The following AAK1 variants were observed in gnomAD, a reference collection of about 807,000 sequenced individuals.
AAK1 encodes the protein AP2 associated kinase 1.
In AAK1, 37 loss-of-function variants were observed where a neutral mutation model predicts 116.0. That is an observed-to-expected ratio of 0.32 (90% CI 0.25 to 0.42). The LOEUF is 0.42. AAK1 is among the 10% of genes least tolerant of loss of function. The pLI is 1.00. For synonymous variants in AAK1, 458 were observed against 439.9 expected (o/e 1.04, Z -0.51); for missense variants, 919 against 1,170.6 (o/e 0.79, Z 3.14).
intron 10 of AAK1, among the ~76,000 whole-genome samples, chr2:69,524,368 T>A (rs1669923749): frequency 2.0e-5 from 3 of 152,190 alleles, no homozygotes; most frequent in African/African-American, 7.2e-5. Context: ...CGTGCTACCA[T>A]GCCTGCCTAA....
At chr2:69,608,536 T>C (rs1470888044) in intron 2 of AAK1, among the ~76,000 whole-genome samples, 3 of 152,186 alleles carry the variant, frequency 2.0e-5, no homozygotes, top group Non-Finnish European at 4.4e-5. Flanking sequence ...TAAAAAGGGA[T>C]TTCTGAAATA....
chr2:69,471,385 C>G lies in AAK1; in HGVS notation c.*4484G>C. The G allele has an allele frequency of 9.1e-6, 9 of 985,408 alleles. No homozygotes were observed. The highest frequency in any genetic ancestry group is 1.1e-5 in the Non-Finnish European group (9 of 829,924). The allele number at this position is 985,408 out of a possible 1,614,324, so 61.0% of individuals were successfully genotyped here. A position where few individuals can be genotyped will look rare whatever the true frequency, so the allele number is the denominator to read the frequency against. ...TAAGAAATCTAAGCACATCCAACTT[C>G]AGAAACATTACTAATGTGGAAAAAG... On this transcript the variant is annotated 3_prime_UTR_variant, in exon 22 of 22. Coordinates refer to ENST00000409085, the MANE Select transcript of AAK1 (RefSeq NM_014911.5).
intron 2 of AAK1, among the ~76,000 whole-genome samples, chr2:69,636,705 CT>C (rs199595825): frequency 8.8e-4 from 127 of 144,878 alleles, no homozygotes; most frequent in Non-Finnish European, 1.2e-3. Flanking sequence ...TTTTCTTTTT[CT>C]TTTTTTTTTT....
intron 2 of AAK1, among the ~76,000 whole-genome samples, chr2:69,588,896 A>T (rs1301261081): frequency 6.6e-6 from 1 of 152,224 alleles, no homozygotes; most frequent in Non-Finnish European, 1.5e-5. Context: ...TACAGAATAA[A>T]TGAAAGAACT....
intron 2 of AAK1, among the ~76,000 whole-genome samples, chr2:69,591,538 T>TTTTTTGGGG (rs1454696399): frequency 6.8e-6 from 1 of 148,068 alleles, no homozygotes; most frequent in African/African-American, 2.5e-5. Flanking sequence ...TTTTTTTTTT[T>TTTTTTGGGG]GAGAGGGAGT....
chr2:69,611,799 G>C (rs1674093741), intron 2 of AAK1, among the ~76,000 whole-genome samples: 1 of 152,120 alleles, frequency 6.6e-6, no homozygotes. Flanking sequence ...ACATGCAATG[G>C]AATATTATTT....
chr2:69,486,148 G>A (rs1009577816), intron 17 of AAK1, among the ~76,000 whole-genome samples: 4 of 152,130 alleles, frequency 2.6e-5, no homozygotes, highest in African/African-American at 9.6e-5. Context: ...TTTTAGTAGA[G>A]ATGGGGTCTC....
chr2:69,500,760 T>C (rs973404401), intron 16 of AAK1, among the ~76,000 whole-genome samples: 26 of 138,558 alleles, frequency 1.9e-4, no homozygotes, highest in African/African-American at 6.8e-4. Context: ...GGAGTAAATA[T>C]AAAGTAGTGG....
rs551838812 is a variant in AAK1, at chr2:69,578,896, C to T, written c.164-21918G>A. Among the ~76,000 whole-genome samples the T allele has an allele frequency of 2.2e-3, 340 of 151,872 alleles. 1 individual carries two copies. The highest frequency in any genetic ancestry group is 4.0e-3 in the Non-Finnish European group (274 of 67,926). ...TCGGCTCACTGCAAGCTCCACCTCC[C>T]GGGTTCACGCAGTTCTCCTGCCTCA... On this transcript the variant is annotated intron_variant, in intron 2 of 21. Coordinates refer to ENST00000409085, the MANE Select transcript of AAK1 (RefSeq NM_014911.5).
intron 3 of AAK1, among the ~76,000 whole-genome samples, chr2:69,553,756 C>CA (rs138953847): frequency 0.062 from 9,196 of 148,960 alleles, 862 homozygotes; most frequent in African/African-American, 0.21. Flanking sequence ...CCTGAAAGTT[C>CA]AAAAAAATTT....
Position 69,469,159 on chromosome 2 carries a change from A to G in AAK1, c.*6710T>C. 1.0e-6 allele frequency: 1 copy of G among 985,396 alleles called. No homozygotes were observed. The highest frequency in any genetic ancestry group is 1.2e-6 in the Non-Finnish European group (1 of 829,938). The allele number at this position is 985,396 out of a possible 1,614,324, so 61.0% of individuals were successfully genotyped here. A position where few individuals can be genotyped will look rare whatever the true frequency, so the allele number is the denominator to read the frequency against. ...GTCCCTTAACCTTTCTATTCTTGTT[A>G]GAGGAGGTACAGTGTGGCTGAGGCG... On this transcript the variant is annotated 3_prime_UTR_variant, in exon 22 of 22. Transcript: ENST00000409085.
At chr2:69,531,830 A>G (rs1670271272) in intron 6 of AAK1, 22 of 1,270,324 alleles carry the variant, frequency 1.7e-5, no homozygotes, top group Non-Finnish European at 2.3e-5. Flanking sequence ...GTGCTCTAAG[A>G]GTCCTTCCTT....
intron 5 of AAK1, among the ~76,000 whole-genome samples, chr2:69,538,472 A>G (rs749269817): frequency 6.6e-6 from 1 of 152,264 alleles, no homozygotes; most frequent in Non-Finnish European, 1.5e-5. Context: ...ACTGTAGCAC[A>G]GGGAATGTCA....
chr2:69,609,714 G>A (rs1673979421), intron 2 of AAK1, among the ~76,000 whole-genome samples: 1 of 151,472 alleles, frequency 6.6e-6, no homozygotes, highest in South Asian at 2.1e-4. Context: ...AAACCCACAC[G>A]AAATCTCAAG....
At chr2:69,587,626 C>T (rs1485396679) in intron 2 of AAK1, among the ~76,000 whole-genome samples, 20 of 151,796 alleles carry the variant, frequency 1.3e-4, no homozygotes, top group African/African-American at 4.8e-4. Context: ...CCACCATGCC[C>T]AGCTAATTTT....
rs1362119020 is a variant in AAK1, at chr2:69,471,188, C to G, written c.*4681G>C. The G allele has an allele frequency of 5.1e-6, 5 of 985,360 alleles. No homozygotes were observed. The highest frequency in any genetic ancestry group is 6.0e-6 in the Non-Finnish European group (5 of 829,952). 61.0% of individuals were successfully genotyped at this position (985,360 alleles called of 1,614,324 possible). On this transcript the variant is annotated 3_prime_UTR_variant, in exon 22 of 22. Transcript: ENST00000409085. Reference sequence around the variant, plus strand: ...AAAGAGTAAATTCAGGTCACTACATCAAAGTGTGAACCAAGAACGTGTCTT... The same window carrying G: ...AAAGAGTAAATTCAGGTCACTACATGAAAGTGTGAACCAAGAACGTGTCTT...
Position 69,469,448 on chromosome 2 carries a change from A to G in AAK1, c.*6421T>C, listed in dbSNP as rs1417545237. ...GGGAAAATGTGTTTTCAGGGTGAAC[A>G]GTTCCTTTATATGAAGGTAGCATTG... On this transcript the variant is annotated 3_prime_UTR_variant, in exon 22 of 22. Coordinates refer to ENST00000409085, the MANE Select transcript of AAK1 (RefSeq NM_014911.5). 1.0e-6 allele frequency: 1 copy of G among 985,364 alleles called. No homozygotes were observed. Among genetic ancestry groups the G allele is most frequent in the East Asian group, 1.1e-4 (1 of 8,828 alleles). The allele number at this position is 985,364 out of a possible 1,614,324, so 61.0% of individuals were successfully genotyped here.
intron 8 of AAK1, among the ~76,000 whole-genome samples, chr2:69,528,533 A>T (rs1042135487): frequency 6.6e-6 from 1 of 152,244 alleles, no homozygotes; most frequent in Admixed American, 6.5e-5. Context: ...CGAGTACACG[A>T]CTGAACCTTT....
chr2:69,490,923 CCACA>C (rs58662760), intron 17 of AAK1, among the ~76,000 whole-genome samples: 13 of 147,722 alleles, frequency 8.8e-5, no homozygotes, highest in South Asian at 2.2e-4. Flanking sequence ...GTGTGTGTAC[CCACA>C]CACACACACA....
Sources: allele counts gnomAD v4.1 joint callset (sites outside exome capture counted in the v4.1 genomes callset), GRCh38; gene constraint gnomAD v4.1.1; transcripts MANE v1.5; gene names NCBI Gene and HGNC (gene_info 2026-07-23, HGNC 2026-07-21).